Variants in PAXBP1 observed in about 807,000 individuals in gnomAD.
PAXBP1 encodes PAX3- and PAX7-binding protein 1.
A neutral mutation model predicts 119.9 loss-of-function variants in PAXBP1; 44 were observed. The ratio of observed to expected loss-of-function variants is 0.37; its 90% CI spans 0.29 to 0.47. PAXBP1 has a LOEUF of 0.47. PAXBP1 is among the 20% of genes least tolerant of loss of function. The pLI is 0.99. For missense variants in PAXBP1, 898 were observed against 1,134.1 expected (o/e 0.79, Z 2.99); for synonymous variants, 393 against 406.6 (o/e 0.97, Z 0.40).
chr21:32,766,658 A>G (rs917133749), intron 2 of PAXBP1, among the ~76,000 whole-genome samples: 1 of 152,174 alleles, frequency 6.6e-6, no homozygotes, highest in Non-Finnish European at 1.5e-5. Flanking sequence ...CCTTGACCCT[A>G]CAAACAGCCT....
At position 32,743,584 on chromosome 21, in the gene PAXBP1, AG is replaced by A. The variant is rs2043822859; in HGVS notation, c.2267+93del. 39 of 933,536 alleles carry A rather than the reference AG, an allele frequency of 4.2e-5. No individual in the cohort carries two copies. In the South Asian group the frequency reaches 5.2e-4, roughly 13 times the overall value. 57.8% of individuals were successfully genotyped at this position (933,536 alleles called of 1,614,324 possible). A position where few individuals can be genotyped will look rare whatever the true frequency, so the allele number is the denominator to read the frequency against. ...TCTCTGTAATACACTACATGGGTGA[AG>A]TTTGTATTTCAAGCTAGTTTTTCAG... On this transcript the variant is annotated intron_variant, in intron 14 of 17. Coordinates refer to ENST00000331923, the MANE Select transcript of PAXBP1 (RefSeq NM_016631.4).
At chr21:32,767,053 G>A (rs1415758893) in intron 2 of PAXBP1, among the ~76,000 whole-genome samples, 4 of 151,854 alleles carry the variant, frequency 2.6e-5, no homozygotes, top group Non-Finnish European at 5.9e-5. Flanking sequence ...CTTTATATAC[G>A]GCTCCCTCAT....
At chr21:32,754,003 T>C (rs559047677) in intron 8 of PAXBP1, among the ~76,000 whole-genome samples, 2 of 152,188 alleles carry the variant, frequency 1.3e-5, no homozygotes, top group Non-Finnish European at 2.9e-5. Flanking sequence ...GCATGAGTCA[T>C]GTAGGTGGCT....
chr21:32,734,859 G>T lies in PAXBP1; in HGVS notation c.*91C>A. ...TGTTTTTTGTATTAAAACAAGAATT[G>T]CTATTTTACAGTTTAAGAAACTTTA... On this transcript the variant is annotated 3_prime_UTR_variant, in exon 18 of 18. Coordinates refer to ENST00000331923, the MANE Select transcript of PAXBP1 (RefSeq NM_016631.4). 2.3e-6 allele frequency: 2 copies of T among 879,594 alleles called. No individual in the cohort carries two copies. Among genetic ancestry groups the T allele is most frequent in the South Asian group, 2.8e-5 (2 of 71,560 alleles). 54.5% of individuals were successfully genotyped at this position (879,594 alleles called of 1,614,324 possible).
intron 13 of PAXBP1, among the ~76,000 whole-genome samples, chr21:32,744,405 C>T (rs955768906): frequency 6.6e-6 from 1 of 151,900 alleles, no homozygotes; most frequent in Admixed American, 6.6e-5. Context: ...GTTGGACAAG[C>T]TTAAATTATC....
chr21:32,737,561 G>C, intron 16 of PAXBP1, 153 bp from the exon 17 acceptor site: 1 of 597,664 alleles, frequency 1.7e-6, no homozygotes. Context: ...TTTTAAATCT[G>C]ACTTCCTACA....
At chr21:32,762,406 G>A (rs2044164932) in intron 3 of PAXBP1, 89 bp from the exon 4 acceptor site, 1 of 1,475,724 alleles carries the variant, frequency 6.8e-7, no homozygotes, top group Non-Finnish European at 9.0e-7. Flanking sequence ...ATCCAAGATA[G>A]CCTCATCACA....
intron 7 of PAXBP1, 141 bp from the exon 8 acceptor site, chr21:32,755,494 G>T: frequency 9.4e-7 from 1 of 1,063,246 alleles, no homozygotes; most frequent in Non-Finnish European, 1.3e-6. Flanking sequence ...CACACAAGTA[G>T]CAAATTCTGT....
At chr21:32,738,357 T>C (rs770725003) in intron 15 of PAXBP1, 38 bp from the exon 16 acceptor site, 1 of 1,513,582 alleles carries the variant, frequency 6.6e-7, no homozygotes, top group African/African-American at 1.4e-5. Context: ...GTGAAACAAT[T>C]AGATTAGGTA....
intron 7 of PAXBP1, among the ~76,000 whole-genome samples, chr21:32,758,106 A>G (rs1339071358): frequency 6.6e-6 from 1 of 152,230 alleles, no homozygotes. Context: ...TCAGGAAGAA[A>G]GATCCATCAG....
chr21:32,769,757 G>A, intron 2 of PAXBP1, 57 bp downstream of exon 2: 1 of 1,568,468 alleles, frequency 6.4e-7, no homozygotes, highest in South Asian at 1.2e-5. Flanking sequence ...GCAAATCACT[G>A]TGAGAAAGAG....
chr21:32,741,866 C>G (rs979908390), intron 15 of PAXBP1, among the ~76,000 whole-genome samples: 12 of 152,162 alleles, frequency 7.9e-5, no homozygotes, highest in African/African-American at 1.7e-4. Flanking sequence ...GTTTCTGAGG[C>G]CTTCATTTTA....
chr21:32,759,101 CAA>C lies in PAXBP1; in HGVS notation c.1360_1361del (p.Leu454AlafsTer2), dbSNP rs765305557. 1 of 1,613,608 alleles carries C rather than the reference CAA, an allele frequency of 6.2e-7. No homozygotes were observed. The highest frequency in any genetic ancestry group is 8.5e-7 in the Non-Finnish European group (1 of 1,179,736). The stretch of plus-strand genomic sequence containing the variant: ...TTACCTTTTCACTGAAACACTCAAG[CAA>C]GTCTTGGACATACCCTCGCATTTCT... The part of the protein sequence containing the change: ...LQEMRGYVQD[L>X]LECFSEKVPL... On this transcript the variant is annotated frameshift_variant, in exon 7 of 18. Transcript: ENST00000331923. LOFTEE classifies it high-confidence loss of function.
chr21:32,742,458 G>T (rs2043802110), intron 15 of PAXBP1: 1 of 152,268 alleles, frequency 6.6e-6, no homozygotes, highest in Non-Finnish European at 1.5e-5. Flanking sequence ...CAGGTCGAAT[G>T]ATCTAAATAT....
At chr21:32,758,637 T>A in intron 7 of PAXBP1, among the ~76,000 whole-genome samples, 1 of 108,784 alleles carries the variant, frequency 9.2e-6, no homozygotes. Flanking sequence ...GTAATCATCA[T>A]CCAGGGTAAA....
At position 32,734,763 on chromosome 21, in the gene PAXBP1, G is replaced by A; in HGVS notation, c.*187C>T. The A allele has an allele frequency of 6.6e-6, 4 of 602,976 alleles. No homozygotes were observed. In the South Asian group the frequency reaches 8.0e-5, roughly 12 times the overall value. 37.4% of individuals were successfully genotyped at this position (602,976 alleles called of 1,614,324 possible). A position where few individuals can be genotyped will look rare whatever the true frequency, so the allele number is the denominator to read the frequency against. ...ACAGGCAGTAAAGAAAACATTCATA[G>A]ACTCCTAGAAATAATCTGAATTCCT... On this transcript the variant is annotated 3_prime_UTR_variant, in exon 18 of 18. Transcript: ENST00000331923.
chr21:32,748,014 T>C (rs2043901700), intron 11 of PAXBP1, among the ~76,000 whole-genome samples: 1 of 151,802 alleles, frequency 6.6e-6, no homozygotes, highest in Non-Finnish European at 1.5e-5. Context: ...CTTGAACTCC[T>C]GAGCTCAAAC....
At chr21:32,760,907 G>C in intron 5 of PAXBP1, 152 bp downstream of exon 5, 2 of 590,196 alleles carry the variant, frequency 3.4e-6, no homozygotes, top group Non-Finnish European at 6.0e-6. Flanking sequence ...GCGTGCGTGT[G>C]TGTGTGTGTG....
At chr21:32,764,601 T>C (rs1172047500) in intron 2 of PAXBP1, 77 bp from the exon 3 acceptor site, 2 of 1,176,328 alleles carry the variant, frequency 1.7e-6, no homozygotes, top group Non-Finnish European at 2.3e-6. Flanking sequence ...GGTATTGACA[T>C]CATTAAAAAT....
Sources: allele counts gnomAD v4.1 joint callset (sites outside exome capture counted in the v4.1 genomes callset), GRCh38; gene constraint gnomAD v4.1.1; transcripts MANE v1.5; gene names NCBI Gene and HGNC (gene_info 2026-07-23, HGNC 2026-07-21).